KDM4C: variants seen among roughly 807,000 people sequenced by gnomAD.
KDM4C encodes lysine demethylase 4C, also known as lysine-specific demethylase 4C.
Under a neutral mutation model 129.3 loss-of-function variants are expected in KDM4C, and 81 were observed. That is an observed-to-expected ratio of 0.63 (90% CI 0.52 to 0.75). The LOEUF (loss-of-function observed/expected upper bound fraction) is 0.75, where lower values mean the gene tolerates loss of function less well. Among genes scored for constraint, KDM4C ranks in the 30% least tolerant of loss-of-function variants. The probability of loss-of-function intolerance (pLI) is 0.00; values close to 1 mark genes in which losing one functional copy is unlikely to be tolerated. For missense variants in KDM4C, 1,457 were observed against 1,304.0 expected, an observed-to-expected ratio of 1.12 and a Z score of -1.81; for synonymous variants, 573 against 456.1, an observed-to-expected ratio of 1.26 and a Z score of -3.26.
intron 8 of KDM4C, among the ~76,000 whole-genome samples, chr9:6,895,114 G>T (rs144898279): frequency 2.5e-4 from 38 of 152,184 alleles, no homozygotes; most frequent in African/African-American, 9.2e-4. Context: ...ACTTCCTTTG[G>T]CCAGGTGATG....
chr9:6,720,966 G>T (rs769257834), exon 1 of KDM4C: 77 of 1,551,644 alleles, frequency 5.0e-5, no homozygotes, highest in Non-Finnish European at 6.2e-5. Context: ...ACTATGGGCT[G>T]CCCTGGAAGA....
intron 8 of KDM4C, among the ~76,000 whole-genome samples, chr9:6,931,434 G>A (rs900315118): frequency 3.3e-5 from 5 of 151,906 alleles, no homozygotes; most frequent in African/African-American, 1.2e-4. Flanking sequence ...AACTAAACAC[G>A]CATGCATGAA....
At chr9:6,922,850 A>T (rs187854633) in intron 8 of KDM4C, among the ~76,000 whole-genome samples, 1 of 152,262 alleles carries the variant, frequency 6.6e-6, no homozygotes, top group Admixed American at 6.5e-5. Context: ...TCAGCCAGAA[A>T]TTCAGGAAGA....
chr9:7,075,511 G>C (rs1833803913), intron 17 of KDM4C, among the ~76,000 whole-genome samples: 2 of 152,098 alleles, frequency 1.3e-5, no homozygotes, highest in Admixed American at 1.3e-4. Flanking sequence ...TTGTAAAAAA[G>C]AGTCTGGCTT....
intron 4 of KDM4C, among the ~76,000 whole-genome samples, chr9:6,821,551 C>G (rs1169462601): frequency 6.6e-6 from 1 of 152,110 alleles, no homozygotes; most frequent in Non-Finnish European, 1.5e-5. Flanking sequence ...ATCCTTTGCC[C>G]ACTTTTTGAT....
At chr9:6,787,709 C>T (rs550424724) in intron 1 of KDM4C, among the ~76,000 whole-genome samples, 5 of 152,332 alleles carry the variant, frequency 3.3e-5, no homozygotes, top group African/African-American at 9.6e-5. Context: ...GCCTCCTTGT[C>T]GACCTCCCTG....
Position 7,175,344 on chromosome 9 carries a change from G to A in KDM4C, c.*615G>A, listed in dbSNP as rs906807528. On this transcript the variant is annotated 3_prime_UTR_variant, in exon 22 of 22. Coordinates refer to ENST00000381309, the MANE Select transcript of KDM4C (RefSeq NM_015061.6). ...TTTGATTGTGTCTGATGGGAACTGAGTTGTTGGCCTTTGTGAAATGAAATT... is the reference window on the plus strand; with the variant it reads ...TTTGATTGTGTCTGATGGGAACTGAATTGTTGGCCTTTGTGAAATGAAATT... 7 of 152,628 alleles carry A rather than the reference G, an allele frequency of 4.6e-5. No homozygotes were observed. Among genetic ancestry groups the A allele is most frequent in the African/African-American group, 1.7e-4 (7 of 41,454 alleles). 9.5% of individuals were successfully genotyped at this position (152,628 alleles called of 1,614,324 possible). A position where few individuals can be genotyped will look rare whatever the true frequency, so the allele number is the denominator to read the frequency against.
intron 17 of KDM4C, among the ~76,000 whole-genome samples, chr9:7,051,059 A>G (rs1054410063): frequency 1.3e-5 from 2 of 152,178 alleles, no homozygotes; most frequent in African/African-American, 2.4e-5. Flanking sequence ...ACATAGAGCT[A>G]TGGTTACAGA....
intron 1 of KDM4C, chr9:6,734,614 C>A: frequency 4.0e-6 from 1 of 249,254 alleles, no homozygotes; most frequent in South Asian, 4.8e-5. Flanking sequence ...TGTTTCTTGC[C>A]CTTTATTAGC....
In KDM4C at chr9:6,843,610, G is replaced by T. The variant is rs113153161; in HGVS notation, c.436-5897G>T. ...TGAACCCTGGGCGTAGCTCTGCCAT[G>T]AAAGGCGATTGAGAAACCATCAGAT... is the stretch of plus-strand genomic sequence containing the variant. On this transcript the variant is annotated intron_variant, in intron 4 of 21. Coordinates refer to ENST00000381309, the MANE Select transcript of KDM4C (RefSeq NM_015061.6). Among the ~76,000 whole-genome samples, 319 of 152,322 alleles carry T rather than the reference G, an allele frequency of 2.1e-3. 2 individuals carry two copies. The highest frequency in any genetic ancestry group is 7.2e-3 in the African/African-American group (301 of 41,590).
At chr9:6,919,545 G>GTCTGTCTGTCTA (rs1233591405) in intron 8 of KDM4C, among the ~76,000 whole-genome samples, 3 of 79,360 alleles carry the variant, frequency 3.8e-5, no homozygotes, top group African/African-American at 1.2e-4. Context: ...CTGTCTGTCT[G>GTCTGTCTGTCTA]TCTATCTATC....
At chr9:6,949,707 C>T (rs1028638505) in intron 8 of KDM4C, among the ~76,000 whole-genome samples, 16 of 152,214 alleles carry the variant, frequency 1.1e-4, no homozygotes, top group African/African-American at 2.4e-4. Flanking sequence ...TCAGGCGTGG[C>T]GGCGCGCGCC....
At chr9:6,728,445 A>T (rs1221886578) in intron 1 of KDM4C, among the ~76,000 whole-genome samples, 1 of 152,062 alleles carries the variant, frequency 6.6e-6, no homozygotes, top group African/African-American at 2.4e-5. Flanking sequence ...GAGGCAGGAG[A>T]ATTGCTTAAA....
At position 6,814,265 on chromosome 9, in the gene KDM4C, T is replaced by C. The variant is rs1162855312; in HGVS notation, c.321-366T>C. Among the ~76,000 whole-genome samples, 4 of 152,178 alleles carry C rather than the reference T, an allele frequency of 2.6e-5. 1 individual carries two copies. In the East Asian group the frequency reaches 7.7e-4, roughly 29 times the overall value. On this transcript the variant is annotated intron_variant, in intron 3 of 21. Coordinates refer to ENST00000381309, the MANE Select transcript of KDM4C (RefSeq NM_015061.6). ...AGTGAGATTATTGTTTGTCAGTGTT[T>C]CTCTAAGTGTTATGTCATTTTTATA...
chr9:6,827,318 G>A lies in KDM4C; in HGVS notation c.435+12573G>A, dbSNP rs185376427. 9.3e-4 allele frequency among the ~76,000 whole-genome samples: 141 copies of A among 152,254 alleles called. 1 individual carries two copies. Among genetic ancestry groups the A allele is most frequent in the African/African-American group, 2.6e-3 (107 of 41,542 alleles). Reference sequence around the variant, plus strand: ...TCCAGCTCAGAAATGTTTACTTTATGATAAGCAATATTTAAGATGAACTAA... The same window carrying A: ...TCCAGCTCAGAAATGTTTACTTTATAATAAGCAATATTTAAGATGAACTAA... On this transcript the variant is annotated intron_variant, in intron 4 of 21. Transcript: ENST00000381309.
chr9:7,124,945 T>A (rs1311834084), intron 18 of KDM4C, among the ~76,000 whole-genome samples: 1 of 152,160 alleles, frequency 6.6e-6, no homozygotes, highest in Non-Finnish European at 1.5e-5. Context: ...CGCAGTTCCT[T>A]TCTTCAGACC....
chr9:7,142,560 T>G (rs913602369), intron 19 of KDM4C, among the ~76,000 whole-genome samples: 1 of 152,250 alleles, frequency 6.6e-6, no homozygotes, highest in African/African-American at 2.4e-5. Context: ...TTACCGAGTC[T>G]TGAACATCTC....
At chr9:6,845,967 G>A (rs1837786413) in intron 4 of KDM4C, among the ~76,000 whole-genome samples, 1 of 152,236 alleles carries the variant, frequency 6.6e-6, no homozygotes, top group African/African-American at 2.4e-5. Flanking sequence ...TGGGGCTTGT[G>A]TGTAGCTGGG....
chr9:7,082,175 A>C (rs1834600411), intron 17 of KDM4C, among the ~76,000 whole-genome samples: 1 of 152,106 alleles, frequency 6.6e-6, no homozygotes, highest in Non-Finnish European at 1.5e-5. Flanking sequence ...GCCTGAGTTT[A>C]TACTCAGGAA....
Sources: allele counts gnomAD v4.1 joint callset (sites outside exome capture counted in the v4.1 genomes callset), GRCh38; gene constraint gnomAD v4.1.1; transcripts MANE v1.5; gene names NCBI Gene and HGNC (gene_info 2026-07-23, HGNC 2026-07-21).